Variants in ZNF536 observed in about 807,000 individuals in gnomAD.
The protein encoded by ZNF536 is zinc finger protein 536.
In ZNF536, 13 loss-of-function variants were observed where a neutral mutation model predicts 84.5. That is an observed-to-expected ratio of 0.15 (90% CI 0.10 to 0.24). ZNF536 has a LOEUF of 0.24. Among genes scored for constraint, ZNF536 ranks in the 10% least tolerant of loss-of-function variants. The pLI is 1.00. For missense variants in ZNF536, 1,536 were observed against 1,747.5 expected, an observed-to-expected ratio of 0.88 and a Z score of 2.16; for synonymous variants, 811 against 742.5, an observed-to-expected ratio of 1.09 and a Z score of -1.50.
At chr19:30,530,377 G>A (rs935035772) in intron 2 of ZNF536, among the ~76,000 whole-genome samples, 3 of 150,536 alleles carry the variant, frequency 2.0e-5, no homozygotes, top group East Asian at 1.9e-4. Flanking sequence ...ATGGAGTTTC[G>A]CTCTTGTTGC....
intron 1 of ZNF536, among the ~76,000 whole-genome samples, chr19:30,435,398 T>C (rs1474980898): frequency 1.3e-5 from 2 of 150,610 alleles, no homozygotes; most frequent in East Asian, 3.9e-4. Flanking sequence ...GTGATGATGA[T>C]GCTGTTGATG....
chr19:30,621,851 T>C (rs191166360), intron 1 of ZNF536, among the ~76,000 whole-genome samples: 1 of 152,342 alleles, frequency 6.6e-6, no homozygotes, highest in East Asian at 1.9e-4. Flanking sequence ...TAGGTCTTTC[T>C]CTCTCTTTCA....
chr19:30,391,815 C>T (rs2049602102), intron 1 of ZNF536, among the ~76,000 whole-genome samples: 1 of 152,154 alleles, frequency 6.6e-6, no homozygotes, highest in African/African-American at 2.4e-5. Context: ...TAACTCCCAG[C>T]CACCCCTTAG....
At chr19:30,588,307 TA>T (rs1008783795) in intron 1 of ZNF536, among the ~76,000 whole-genome samples, 1 of 152,196 alleles carries the variant, frequency 6.6e-6, no homozygotes, top group Non-Finnish European at 1.5e-5. Context: ...AGAGTCTCTT[TA>T]GATACATATG....
At chr19:30,674,788 C>T (rs1043511132) in intron 1 of ZNF536, among the ~76,000 whole-genome samples, 5 of 152,114 alleles carry the variant, frequency 3.3e-5, no homozygotes, top group East Asian at 3.9e-4. Context: ...GGTTGGTATT[C>T]GAGGTAGGCA....
chr19:30,537,998 G>A (rs927126079), intron 3 of ZNF536, among the ~76,000 whole-genome samples: 5 of 152,298 alleles, frequency 3.3e-5, no homozygotes, highest in Admixed American at 6.5e-5. Context: ...AGAACAGAAA[G>A]TGTTACATGT....
intron 1 of ZNF536, among the ~76,000 whole-genome samples, chr19:30,276,001 T>C (rs11879849): frequency 0.031 from 4,657 of 152,212 alleles, 219 homozygotes; most frequent in African/African-American, 0.1. Flanking sequence ...TTCTTCCTTC[T>C]CAGGGCTGTT....
At chr19:30,639,533 T>C (rs2049189112) in intron 1 of ZNF536, among the ~76,000 whole-genome samples, 1 of 152,222 alleles carries the variant, frequency 6.6e-6, no homozygotes, top group African/African-American at 2.4e-5. Flanking sequence ...CTCTGGATGG[T>C]GTTATCTTCC....
chr19:30,280,464 G>A (rs563806308), intron 1 of ZNF536, among the ~76,000 whole-genome samples: 4 of 152,184 alleles, frequency 2.6e-5, no homozygotes, highest in Admixed American at 6.5e-5. Context: ...AGGAGAGTCT[G>A]ACACCACCCT....
At chr19:30,656,326 T>C (rs535501450) in intron 1 of ZNF536, among the ~76,000 whole-genome samples, 9 of 152,224 alleles carry the variant, frequency 5.9e-5, no homozygotes, top group African/African-American at 9.6e-5. Context: ...TACTGGAATA[T>C]GGCAGTGCCG....
rs2148153901 is a variant in ZNF536 at position 30,443,796 on chromosome 19, C to G, written c.234C>G (p.Gly78=). ...TGCCCATGAGCGGCCAGCCCATGGG[C>G]AGTCAGATGGCGCTCCTGGCCAACC... ...AHVPMSGQPM[G]SQMALLANQL... is the part of the protein sequence containing the mutation. Residue 78 remains glycine (G), a synonymous_variant, in exon 2 of 5, where the codon GGC becomes GGG. Coordinates refer to ENST00000355537, the MANE Select transcript of ZNF536 (RefSeq NM_014717.3). 6.2e-7 allele frequency: 1 copy of G among 1,613,180 alleles called. No homozygotes were observed. Among genetic ancestry groups the G allele is most frequent in the Non-Finnish European group, 8.5e-7 (1 of 1,179,772 alleles).
chr19:30,395,800 AG>A (rs1228509555), intron 1 of ZNF536, among the ~76,000 whole-genome samples: 1 of 152,192 alleles, frequency 6.6e-6, no homozygotes, highest in East Asian at 1.9e-4. Flanking sequence ...TAACTAGGTC[AG>A]TTACATTTTT....
chr19:30,650,624 C>A (rs1477570239), intron 1 of ZNF536, among the ~76,000 whole-genome samples: 15 of 152,074 alleles, frequency 9.9e-5, no homozygotes, highest in Admixed American at 9.8e-4. Flanking sequence ...TAGAATCTTT[C>A]TTTTGTCATT....
chr19:30,475,458 A>G (rs796086158), intron 2 of ZNF536, among the ~76,000 whole-genome samples: 5 of 152,362 alleles, frequency 3.3e-5, no homozygotes, highest in African/African-American at 1.2e-4. Context: ...ATTAAAAAAT[A>G]TAAGAAGAAG....
Position 30,355,251 on chromosome 19 carries a change from G to A in ZNF536, c.-3+2767G>A, listed in dbSNP as rs539941916. Among the ~76,000 whole-genome samples the A allele has an allele frequency of 7.2e-5, 11 of 152,172 alleles. No homozygotes were observed. The East Asian group carries it at 1.9e-3, about 27-fold the overall frequency. On this transcript the variant is annotated intron_variant, in intron 3 of 5. Transcript: ENST00000585628. ...AGGAGCATCACAGGGTGAGAGAGGCGGCGAGGGAAGGGGTGGGGGAGGTCC... is the reference window on the plus strand; with the variant it reads ...AGGAGCATCACAGGGTGAGAGAGGCAGCGAGGGAAGGGGTGGGGGAGGTCC...
intron 1 of ZNF536, among the ~76,000 whole-genome samples, chr19:30,380,378 C>T (rs2048976511): frequency 6.6e-6 from 1 of 152,088 alleles, no homozygotes; most frequent in African/African-American, 2.4e-5. Context: ...TGGAGACGGG[C>T]CACCCTGCAG....
chr19:30,545,315 G>A (rs996782743), intron 3 of ZNF536, among the ~76,000 whole-genome samples: 1 of 149,834 alleles, frequency 6.7e-6, no homozygotes, highest in Non-Finnish European at 1.5e-5. Flanking sequence ...GGCCAGAACT[G>A]GTGTCTTACC....
In ZNF536 at chr19:30,357,258, G is replaced by A. The variant is rs563927861; in HGVS notation, c.-3+4774G>A. Among the ~76,000 whole-genome samples the A allele has an allele frequency of 9.2e-5, 14 of 152,320 alleles. No individual in the cohort carries two copies. The South Asian group carries it at 2.9e-3, about 32-fold the overall frequency. On this transcript the variant is annotated intron_variant, in intron 3 of 5. Coordinates refer to the ZNF536 transcript ENST00000585628. ...AGCTAGAGGTCTGGAGGACATGGAG[G>A]GGCCAGAGCAGGGTGAAGTTCTGGG...
chr19:30,384,778 G>C (rs1000903208), intron 1 of ZNF536, among the ~76,000 whole-genome samples: 1 of 152,140 alleles, frequency 6.6e-6, no homozygotes, highest in Non-Finnish European at 1.5e-5. Context: ...TTTAATCTCA[G>C]TGCTTTGGGA....
Sources: allele counts gnomAD v4.1 joint callset (sites outside exome capture counted in the v4.1 genomes callset), GRCh38; gene constraint gnomAD v4.1.1; transcripts MANE v1.5; gene names NCBI Gene and HGNC (gene_info 2026-07-23, HGNC 2026-07-21).